The following ZSWIM6 variants were observed in gnomAD, a reference collection of about 807,000 sequenced individuals.
ZSWIM6 encodes zinc finger SWIM-type containing 6, also known as zinc finger SWIM domain-containing protein 6.
Under a neutral mutation model 113.2 loss-of-function variants are expected in ZSWIM6, and 9 were observed. The ratio of observed to expected loss-of-function variants is 0.08; its 90% CI spans 0.05 to 0.14. The LOEUF (loss-of-function observed/expected upper bound fraction) is 0.14, where lower values mean the gene tolerates loss of function less well. Ranked by LOEUF, ZSWIM6 falls within the 10% of genes least tolerant of loss-of-function variation. The probability of loss-of-function intolerance (pLI) is 1.00; values close to 1 mark genes in which losing one functional copy is unlikely to be tolerated. For synonymous variants in ZSWIM6, 611 were observed against 606.5 expected (o/e 1.01, Z -0.11); for missense variants, 1,162 against 1,552.2 (o/e 0.75, Z 4.22).
chr5:61,392,437 G>A (rs1450886730), intron 1 of ZSWIM6, among the ~76,000 whole-genome samples: 7 of 152,176 alleles, frequency 4.6e-5, no homozygotes, highest in African/African-American at 1.7e-4. Context: ...ACAGAAAATT[G>A]TGAGGAAGCA....
At chr5:61,467,310 CAA>C (rs1561249283) in intron 1 of ZSWIM6, among the ~76,000 whole-genome samples, 1 of 152,086 alleles carries the variant, frequency 6.6e-6, no homozygotes, top group African/African-American at 2.4e-5. Flanking sequence ...GTTCTCAAAA[CAA>C]AATATTTTAG....
chr5:61,543,728 C>A lies in ZSWIM6; in HGVS notation c.3059C>A (p.Ala1020Asp). The A allele has an allele frequency of 6.4e-7, 1 of 1,551,734 alleles. No individual in the cohort carries two copies. Among genetic ancestry groups the A allele is most frequent in the Non-Finnish European group, 8.7e-7 (1 of 1,147,008 alleles). Residue 1020 changes from alanine to aspartate, a missense_variant, in exon 14 of 14, where the codon GCT becomes GAT. Physicochemically the swap from Ala to Asp is moderately radical, Grantham distance 126. Coordinates refer to ENST00000252744, the MANE Select transcript of ZSWIM6 (RefSeq NM_020928.2). This position sits in a 1 kb window ranked among gnomAD's most constrained non-coding sequence, Gnocchi z 4.3. ...FETAYQIVLD[A>D]ATTGMSYTQL... ...ACGGCGTACCAAATTGTTCTCGACG[C>A]TGCTACGACTGGCATGAGCTATACA...
intron 1 of ZSWIM6, among the ~76,000 whole-genome samples, chr5:61,392,877 A>C (rs1173965030): frequency 2.0e-5 from 3 of 151,902 alleles, no homozygotes; most frequent in African/African-American, 7.3e-5. Context: ...CTCCTAAAGC[A>C]CTGGGATTAC....
At chr5:61,458,760 C>G (rs2112165924) in intron 1 of ZSWIM6, among the ~76,000 whole-genome samples, 1 of 152,054 alleles carries the variant, frequency 6.6e-6, no homozygotes, top group South Asian at 2.1e-4. Context: ...CACTTGTGGT[C>G]CCAGCTACTC....
intron 10 of ZSWIM6, among the ~76,000 whole-genome samples, chr5:61,536,619 A>G (rs962855663): frequency 6.6e-6 from 1 of 152,208 alleles, no homozygotes. Context: ...TTGCCTATAA[A>G]TTACCAGTGT....
At chr5:61,506,734 A>G (rs781421218) in intron 4 of ZSWIM6, among the ~76,000 whole-genome samples, 6 of 152,212 alleles carry the variant, frequency 3.9e-5, no homozygotes, top group Non-Finnish European at 5.9e-5. Flanking sequence ...TAATTATGCC[A>G]GTGATCTCCT....
intron 4 of ZSWIM6, among the ~76,000 whole-genome samples, chr5:61,505,907 C>T (rs1480693618): frequency 6.6e-6 from 1 of 151,638 alleles, no homozygotes; most frequent in Non-Finnish European, 1.5e-5. Context: ...CCACCATGCC[C>T]AGCTAATTTT....
intron 2 of ZSWIM6, among the ~76,000 whole-genome samples, chr5:61,485,272 C>T (rs1008735067): frequency 2.0e-5 from 3 of 152,164 alleles, no homozygotes; most frequent in African/African-American, 7.2e-5. Context: ...TCCTAAGAGG[C>T]CACTCATTTC....
chr5:61,454,577 T>G (rs1402739038), intron 1 of ZSWIM6, among the ~76,000 whole-genome samples: 1 of 151,224 alleles, frequency 6.6e-6, no homozygotes, highest in African/African-American at 2.4e-5. Flanking sequence ...GTTTTTTTTT[T>G]TTTTTTTTTC....
chr5:61,347,896 T>G (rs1386863400), intron 1 of ZSWIM6, among the ~76,000 whole-genome samples: 1 of 152,146 alleles, frequency 6.6e-6, no homozygotes, highest in Non-Finnish European at 1.5e-5. Flanking sequence ...ACCAAGTTGA[T>G]GTTAAGCATG....
chr5:61,370,845 TA>T (rs1359634081), intron 1 of ZSWIM6, among the ~76,000 whole-genome samples: 1 of 152,200 alleles, frequency 6.6e-6, no homozygotes, highest in African/African-American at 2.4e-5. Flanking sequence ...AATAAAAAAC[TA>T]AAGAACCCCT....
In ZSWIM6 at chr5:61,472,585, G is replaced by T. The variant is rs1231898971; in HGVS notation, c.677-96G>T. On this transcript the variant is annotated intron_variant, in intron 1 of 13. Transcript: ENST00000252744. The surrounding 1 kb of genome is among the most constrained non-coding windows in gnomAD (Gnocchi z 4.1). Reference sequence around the variant, plus strand: ...ATAGAGGCTGTCATATTTTTTTCTTGCTGCTGTCAAGTCCCACACATTTCA... The same window carrying T: ...ATAGAGGCTGTCATATTTTTTTCTTTCTGCTGTCAAGTCCCACACATTTCA... 8 of 944,566 alleles carry T rather than the reference G, an allele frequency of 8.5e-6. No individual in the cohort carries two copies. The highest frequency in any genetic ancestry group is 2.6e-5 in the South Asian group (1 of 38,316). The allele number at this position is 944,566 out of a possible 1,614,324, so 58.5% of individuals were successfully genotyped here.
At chr5:61,405,375 C>T (rs1746022696) in intron 1 of ZSWIM6, among the ~76,000 whole-genome samples, 1 of 152,116 alleles carries the variant, frequency 6.6e-6, no homozygotes, top group African/African-American at 2.4e-5. Context: ...AGTATAGTTT[C>T]TTTCATCTTT....
chr5:61,445,896 A>G (rs1244516029), intron 1 of ZSWIM6, among the ~76,000 whole-genome samples: 2 of 152,202 alleles, frequency 1.3e-5, no homozygotes, highest in Non-Finnish European at 2.9e-5. Context: ...TGTTCCTGGT[A>G]TGCAAATTAA....
intron 1 of ZSWIM6, among the ~76,000 whole-genome samples, chr5:61,382,774 C>T (rs187746476): frequency 2.6e-5 from 4 of 151,594 alleles, no homozygotes; most frequent in Admixed American, 2.6e-4. Flanking sequence ...CACTGCACTC[C>T]AGCCTGGTTA....
chr5:61,492,422 T>C (rs1341349833), intron 3 of ZSWIM6, among the ~76,000 whole-genome samples: 1 of 152,128 alleles, frequency 6.6e-6, no homozygotes, highest in African/African-American at 2.4e-5. Context: ...AACTTGAAGT[T>C]AAGACAGATA....
intron 1 of ZSWIM6, among the ~76,000 whole-genome samples, chr5:61,433,681 C>A (rs753682686): frequency 2.6e-5 from 4 of 152,010 alleles, no homozygotes; most frequent in Non-Finnish European, 4.4e-5. Context: ...ACCATGTTGG[C>A]CAGGCTGGTC....
chr5:61,407,021 A>G (rs1746056669), intron 1 of ZSWIM6, among the ~76,000 whole-genome samples: 3 of 152,190 alleles, frequency 2.0e-5, no homozygotes, highest in Admixed American at 6.5e-5. Context: ...CCTCTCAGAA[A>G]TCTTAAAAAG....
At chr5:61,359,672 A>G (rs1384591375) in intron 1 of ZSWIM6, among the ~76,000 whole-genome samples, 1 of 152,080 alleles carries the variant, frequency 6.6e-6, no homozygotes, top group African/African-American at 2.4e-5. Flanking sequence ...AAGGAACTCA[A>G]TTTTGGATGT....
Sources: gnomAD v4.1 joint callset for allele counts (sites outside exome capture counted in the v4.1 genomes callset) on GRCh38, gnomAD v4.1.1 for gene constraint, Gnocchi (gnomAD v3.1) non-coding constraint, MANE v1.5 for transcripts, NCBI Gene and HGNC (gene_info 2026-07-23, HGNC 2026-07-21) for gene names.